The following TIMP3 variants were observed in gnomAD, a reference collection of about 807,000 sequenced individuals.
The protein encoded by TIMP3 is metalloproteinase inhibitor 3.
In TIMP3, 11 loss-of-function variants were observed where a neutral mutation model predicts 30.0. The observed-to-expected ratio is 0.37, with a 90% CI of 0.23 to 0.61. The LOEUF is 0.61. Among genes scored for constraint, TIMP3 ranks in the 20% least tolerant of loss-of-function variants. The pLI is 0.70. For missense variants in TIMP3, 181 were observed against 276.8 expected, an observed-to-expected ratio of 0.65 and a Z score of 2.45; for synonymous variants, 112 against 111.3, an observed-to-expected ratio of 1.01 and a Z score of -0.04.
At chr22:32,858,241 G>T (rs1432157617) in intron 4 of TIMP3, 103 bp downstream of exon 4, 2 of 1,530,156 alleles carry the variant, frequency 1.3e-6, no homozygotes, top group African/African-American at 2.7e-5. Flanking sequence ...GCTGGGAAGG[G>T]TATGCATGTG....
chr22:32,802,167 G>C (rs765383451), intron 1 of TIMP3, 45 bp downstream of exon 1: 5 of 1,557,148 alleles, frequency 3.2e-6, no homozygotes, highest in Non-Finnish European at 4.3e-6. Flanking sequence ...CTGCAGCCAG[G>C]ACTGCAGCGC....
intron 1 of TIMP3, among the ~76,000 whole-genome samples, chr22:32,803,243 C>T (rs562094622): frequency 1.3e-5 from 2 of 151,976 alleles, no homozygotes; most frequent in Admixed American, 6.5e-5. Context: ...AAGAATGGAG[C>T]GTGTGTGTTT....
intron 1 of TIMP3, among the ~76,000 whole-genome samples, chr22:32,823,472 C>T (rs911642603): frequency 6.6e-6 from 1 of 152,146 alleles, no homozygotes; most frequent in Admixed American, 6.5e-5. Context: ...ATGCAGTGGG[C>T]CGTCTGTGTC....
At chr22:32,841,099 G>A (rs2047887964) in intron 1 of TIMP3, among the ~76,000 whole-genome samples, 2 of 152,232 alleles carry the variant, frequency 1.3e-5, no homozygotes, top group African/African-American at 4.8e-5. Flanking sequence ...CACTCTGTGT[G>A]TGGCACTTTA....
chr22:32,833,223 C>T (rs1421667545), intron 1 of TIMP3, among the ~76,000 whole-genome samples: 1 of 152,068 alleles, frequency 6.6e-6, no homozygotes, highest in African/African-American at 2.4e-5. Flanking sequence ...GAGTCATTGG[C>T]CCCCAGCAAG....
chr22:32,856,401 G>T (rs2048366726), intron 2 of TIMP3, among the ~76,000 whole-genome samples: 1 of 152,096 alleles, frequency 6.6e-6, no homozygotes, highest in Non-Finnish European at 1.5e-5. Context: ...CATCTGGGGT[G>T]AAGGGGGCCC....
At chr22:32,819,154 G>C (rs1244121843) in intron 1 of TIMP3, among the ~76,000 whole-genome samples, 1 of 152,258 alleles carries the variant, frequency 6.6e-6, no homozygotes, top group African/African-American at 2.4e-5. Context: ...TTCCACTAGG[G>C]AGTGAGGTAG....
intron 1 of TIMP3, among the ~76,000 whole-genome samples, chr22:32,848,106 T>C (rs1049475493): frequency 6.6e-6 from 1 of 152,246 alleles, no homozygotes. Context: ...AAGACAGCTC[T>C]TGGGTGCTTC....
intron 1 of TIMP3, among the ~76,000 whole-genome samples, chr22:32,842,354 G>C (rs1265509559): frequency 6.6e-6 from 1 of 152,154 alleles, no homozygotes; most frequent in African/African-American, 2.4e-5. Context: ...TCAGGCCTCT[G>C]CTTTTCACCC....
At chr22:32,845,528 G>T (rs2146219330) in intron 1 of TIMP3, among the ~76,000 whole-genome samples, 1 of 152,258 alleles carries the variant, frequency 6.6e-6, no homozygotes, top group Admixed American at 6.5e-5. Context: ...CACTAGACTA[G>T]CCATCAGTGG....
chr22:32,817,103 A>T (rs978471545), intron 1 of TIMP3, among the ~76,000 whole-genome samples: 5 of 151,532 alleles, frequency 3.3e-5, no homozygotes, highest in Non-Finnish European at 5.9e-5. Flanking sequence ...CTGTAGTCCC[A>T]GTTACTCTTG....
intron 1 of TIMP3, among the ~76,000 whole-genome samples, chr22:32,838,517 A>C (rs1164837024): frequency 6.6e-6 from 1 of 152,100 alleles, no homozygotes; most frequent in Non-Finnish European, 1.5e-5. Context: ...TGGGATCTTC[A>C]TGTGTTGGTA....
chr22:32,819,208 T>C (rs2047169260), intron 1 of TIMP3, among the ~76,000 whole-genome samples: 1 of 152,238 alleles, frequency 6.6e-6, no homozygotes, highest in African/African-American at 2.4e-5. Context: ...GGCTTGGCCT[T>C]GCAGGCCGGT....
Position 32,859,362 on chromosome 22 carries a change from T to C in TIMP3, c.621T>C (p.Asn207=). Residue 207 remains asparagine, a synonymous_variant, in exon 5 of 5, where the codon AAT becomes AAC. Transcript: ENST00000266085. ...CCCCCCCGGATAAAAGCATCATCAATGCCACAGACCCCTGAGCGCCAGACC... is the reference window on the plus strand; with the variant it reads ...CCCCCCCGGATAAAAGCATCATCAACGCCACAGACCCCTGAGCGCCAGACC... The part of the protein sequence containing the change: ...GWAPPDKSII[N]ATDP 1.2e-6 allele frequency: 2 copies of C among 1,611,420 alleles called. No homozygotes were observed. The highest frequency in any genetic ancestry group is 1.7e-6 in the Non-Finnish European group (2 of 1,179,978).
chr22:32,803,390 G>A (rs183372933), intron 1 of TIMP3, among the ~76,000 whole-genome samples: 6 of 152,090 alleles, frequency 3.9e-5, no homozygotes, highest in Middle Eastern at 6.8e-3. Flanking sequence ...GGCACTGCTG[G>A]TGGGCTGGGC....
At chr22:32,841,903 G>C (rs2047916266) in intron 1 of TIMP3, among the ~76,000 whole-genome samples, 1 of 152,150 alleles carries the variant, frequency 6.6e-6, no homozygotes, top group Non-Finnish European at 1.5e-5. Flanking sequence ...GGTGGCAAAA[G>C]CGTGGGAGCT....
chr22:32,817,309 G>A (rs749234959), intron 1 of TIMP3, among the ~76,000 whole-genome samples: 3 of 152,136 alleles, frequency 2.0e-5, no homozygotes, highest in Non-Finnish European at 4.4e-5. Flanking sequence ...GCTCTGAGAA[G>A]TCCTGCTGCA....
At chr22:32,831,767 G>A (rs2047580717) in intron 1 of TIMP3, among the ~76,000 whole-genome samples, 1 of 152,102 alleles carries the variant, frequency 6.6e-6, no homozygotes, top group Middle Eastern at 3.2e-3. Flanking sequence ...TTTAAGCTGT[G>A]AAGTTATCCC....
intron 4 of TIMP3, 23 bp from the exon 5 acceptor site, chr22:32,859,157 T>C: frequency 6.2e-7 from 1 of 1,613,128 alleles, no homozygotes; most frequent in Non-Finnish European, 8.5e-7. Flanking sequence ...GTCCATCAAC[T>C]GCTGCCTGTT....
Sources: allele counts gnomAD v4.1 joint callset (sites outside exome capture counted in the v4.1 genomes callset), GRCh38; gene constraint gnomAD v4.1.1; transcripts MANE v1.5; gene names NCBI Gene and HGNC (gene_info 2026-07-23, HGNC 2026-07-21).